The following FOXR1 variants were observed in gnomAD, a reference collection of about 807,000 sequenced individuals.
FOXR1 encodes forkhead box R1.
Under a neutral mutation model 34.5 loss-of-function variants are expected in FOXR1, and 25 were observed. That is an observed-to-expected ratio of 0.72 (90% confidence interval 0.53 to 1.01). The LOEUF is 1.01. Among genes scored for constraint, FOXR1 ranks in the 50% least tolerant of loss-of-function variants. The pLI, the probability that FOXR1 is intolerant of heterozygous loss-of-function variation, is 0.00. For synonymous variants in FOXR1, 153 were observed against 141.6 expected (o/e 1.08, Z -0.57); for missense variants, 373 against 376.2 (o/e 0.99, Z 0.07).
In FOXR1 at chr11:118,980,685, T is replaced by C. The variant is rs1467023414; in HGVS notation, c.807T>C (p.Ala269=). 1 of 1,613,964 alleles carries C rather than the reference T, an allele frequency of 6.2e-7. No homozygotes were observed. The change falls in exon 5 of 6, where the codon GCT becomes GCC. Residue 269 remains alanine, a synonymous_variant. Coordinates refer to ENST00000317011, the MANE Select transcript of FOXR1 (RefSeq NM_181721.3). ...RRFAEEARAL[A]STRLESIQQC... ...TTGCGGAGGAGGCCCGCGCCTTGGC[T>C]TCCACTCGGCTAGAAAGTATCCAAC...
At chr11:118,975,649 CTGA>C (rs1941771302) in intron 1 of FOXR1, among the ~76,000 whole-genome samples, 1 of 152,018 alleles carries the variant, frequency 6.6e-6, no homozygotes, top group East Asian at 1.9e-4. Context: ...TGTTTGCATG[CTGA>C]TGAGAATGAC....
At position 118,978,763 on chromosome 11, in the gene FOXR1, C is replaced by G; in HGVS notation, c.62-19C>G. ...ATATTCTAGGATGTTTTGACTCTCT[C>G]TGTCTTTCTTTTTGCCAGTTGCCAG... On this transcript the variant is annotated intron_variant, in intron 1 of 5. Transcript: ENST00000317011. The G allele has an allele frequency of 6.2e-7, 1 of 1,613,778 alleles. No individual in the cohort carries two copies. The highest frequency in any genetic ancestry group is 1.3e-5 in the African/African-American group (1 of 75,042).
rs1170902678 is a variant in FOXR1 at position 118,971,806 on chromosome 11, TCCCACTCCGCGTC to T, written c.-114_-102del. 2.2e-4 allele frequency: 227 copies of T among 1,021,520 alleles called. No homozygotes were observed. The highest frequency in any genetic ancestry group is 3.1e-4 in the Non-Finnish European group (212 of 676,860). The allele number at this position is 1,021,520 out of a possible 1,614,324, so 63.3% of individuals were successfully genotyped here. A position where few individuals can be genotyped will look rare whatever the true frequency, so the allele number is the denominator to read the frequency against. On this transcript the variant is annotated 5_prime_UTR_variant, in exon 1 of 6. Coordinates refer to ENST00000317011, the MANE Select transcript of FOXR1 (RefSeq NM_181721.3). ...GAGGGTCGCTCCTCAGCCGCCGCGC[TCCCACTCCGCGTC>T]CCCACTCCGCGCCGCCGCGCCTCTG... is the stretch of plus-strand genomic sequence containing the variant.
intron 1 of FOXR1, among the ~76,000 whole-genome samples, chr11:118,978,015 G>A (rs10892318): frequency 0.45 from 68,141 of 151,860 alleles, 15,860 homozygotes; most frequent in Admixed American, 0.57. Flanking sequence ...TCAGGAGTTC[G>A]ACACCAGCCT....
intron 1 of FOXR1, among the ~76,000 whole-genome samples, chr11:118,975,552 A>G (rs752228593): frequency 6.6e-6 from 1 of 151,408 alleles, no homozygotes; most frequent in Non-Finnish European, 1.5e-5. Context: ...GGCTCAAGTG[A>G]TCCTCCTGCC....
In FOXR1 at chr11:118,979,619, A is replaced by C. The variant is rs781896141; in HGVS notation, c.562A>C (p.Asn188His). 4.2e-5 allele frequency: 68 copies of C among 1,612,150 alleles called. No homozygotes were observed. The East Asian group carries it at 1.5e-3, about 36-fold the overall frequency. The change falls in exon 4 of 6, where the codon AAC becomes CAC. Residue 188 changes from asparagine (N) to histidine (H), a missense_variant. By Grantham distance (68) the Asn-to-His change is moderately conservative (BLOSUM62 1). Coordinates refer to ENST00000317011, the MANE Select transcript of FOXR1 (RefSeq NM_181721.3). ...CCACCTAATTGCCCTGGCATTAAGA[A>C]ACAGTTCCCCCTGTGGCCTCAACGT... ...YFHLIALALRNSSPCGLNVQQ... is the reference protein window; with the variant it reads ...YFHLIALALRHSSPCGLNVQQ...
chr11:118,972,355 C>T (rs917334518), intron 1 of FOXR1, among the ~76,000 whole-genome samples: 1 of 151,958 alleles, frequency 6.6e-6, no homozygotes, highest in Admixed American at 6.6e-5. Flanking sequence ...GCGCTGGTCG[C>T]CATTTGCTAT....
At position 118,980,254 on chromosome 11, in the gene FOXR1, GTT is replaced by G. The variant is rs989409281; in HGVS notation, c.612-235_612-234del. On this transcript the variant is annotated intron_variant, in intron 4 of 5. Transcript: ENST00000317011. The stretch of plus-strand genomic sequence containing the variant: ...GAGCTGCTTGGCCTGATTCTGCTTT[GTT>G]CATGCTGTGGTCCAAGCCCTGGGCC... 7.4e-6 allele frequency: 5 copies of G among 678,676 alleles called. No homozygotes were observed. The African/African-American group carries it at 8.8e-5, about 12-fold the overall frequency. 42.0% of individuals were successfully genotyped at this position (678,676 alleles called of 1,614,324 possible). A position where few individuals can be genotyped will look rare whatever the true frequency, so the allele number is the denominator to read the frequency against.
intron 1 of FOXR1, 80 bp downstream of exon 1, chr11:118,972,072 G>T: frequency 8.4e-7 from 1 of 1,197,454 alleles, no homozygotes; most frequent in South Asian, 1.4e-5. Flanking sequence ...CGGGGCAGAC[G>T]GCTCCCCAGC....
intron 2 of FOXR1, 22 bp downstream of exon 2, chr11:118,978,878 C>A (rs782731966): frequency 6.2e-7 from 1 of 1,614,216 alleles, no homozygotes; most frequent in Non-Finnish European, 8.5e-7. Context: ...GTTCTCTGAC[C>A]TGTTTCTGTG....
chr11:118,981,188 ACT>A lies in FOXR1; in HGVS notation c.851-14_851-13del. 2.5e-6 allele frequency: 4 copies of A among 1,613,718 alleles called. No homozygotes were observed. The highest frequency in any genetic ancestry group is 2.5e-6 in the Non-Finnish European group (3 of 1,179,724). On this transcript the variant is annotated intron_variant, in intron 5 of 5. Transcript: ENST00000317011. Reference sequence around the variant, plus strand: ...GCAATTGTGAAGTATAAACTCCTGAACTCTCTCCTTTTCTTACAGATGTGATG... The same window carrying A: ...GCAATTGTGAAGTATAAACTCCTGAACTCTCCTTTTCTTACAGATGTGATG...
Position 118,971,953 on chromosome 11 carries a change from G to T in FOXR1, c.22G>T (p.Ala8Ser). The change falls in exon 1 of 6, where the codon GCC (alanine) becomes TCC (serine). Residue 8 changes from alanine to serine, a missense_variant. By Grantham distance (99) the Ala-to-Ser change is moderately conservative. Transcript: ENST00000317011. Reference sequence around the variant, plus strand: ...GGACATGGGGAACGAGCTCTTTCTGGCCTTCACCACATCTCACCTCCCCTT... The same window carrying T: ...GGACATGGGGAACGAGCTCTTTCTGTCCTTCACCACATCTCACCTCCCCTT... Reference protein sequence around the residue: MGNELFLAFTTSHLPLAE... With the variant: MGNELFLSFTTSHLPLAE... 6.4e-7 allele frequency: 1 copy of T among 1,554,696 alleles called. No homozygotes were observed. Among genetic ancestry groups the T allele is most frequent in the Non-Finnish European group, 8.7e-7 (1 of 1,148,480 alleles).
Position 118,979,430 on chromosome 11 carries a change from G to A in FOXR1, c.385-12G>A, listed in dbSNP as rs1941823343. 6.3e-7 allele frequency: 1 copy of A among 1,594,406 alleles called. No homozygotes were observed. The highest frequency in any genetic ancestry group is 1.3e-5 in the African/African-American group (1 of 74,152). ...AGGAGTCAGGACCAGTTCCTACTCT[G>A]TGCTCCTCTAGCTCACAGAAGAGGA... is the stretch of plus-strand genomic sequence containing the variant. On this transcript the variant is annotated splice_polypyrimidine_tract_variant and intron_variant, in intron 3 of 5. Transcript: ENST00000317011.
chr11:118,980,618 G>C lies in FOXR1; in HGVS notation c.740G>C (p.Arg247Pro), dbSNP rs150635174. 4.3e-6 allele frequency: 7 copies of C among 1,614,232 alleles called. No homozygotes were observed. The highest frequency in any genetic ancestry group is 1.7e-5 in the Admixed American group (1 of 60,024). Residue 247 changes from arginine (R) to proline (P), a missense_variant, in exon 5 of 6, where the codon CGA becomes CCA. Arg to Pro is a moderately radical substitution (Grantham distance 103). Transcript: ENST00000317011. Reference sequence around the variant, plus strand: ...CAGGGCGGGGCCAGCACACGGCCTCGATCTTGCCTCTGGAAGTTGACCGAG... The same window carrying C: ...CAGGGCGGGGCCAGCACACGGCCTCCATCTTGCCTCTGGAAGTTGACCGAG... ...SMQGGASTRP[R>P]SCLWKLTEEG...
chr11:118,975,203 G>A (rs1487294336), intron 1 of FOXR1, among the ~76,000 whole-genome samples: 1 of 152,122 alleles, frequency 6.6e-6, no homozygotes, highest in Admixed American at 6.6e-5. Flanking sequence ...TGGAAACCAA[G>A]TGGAAAAAGC....
chr11:118,971,895 C>T lies in FOXR1; in HGVS notation c.-37C>T. On this transcript the variant is annotated 5_prime_UTR_variant, in exon 1 of 6. Coordinates refer to ENST00000317011, the MANE Select transcript of FOXR1 (RefSeq NM_181721.3). ...TCCAACACCTCGACTTCTGGGCCCG[C>T]CTCCATGGCCAGGTCCCGGGACTGC... 1 of 1,551,590 alleles carries T rather than the reference C, an allele frequency of 6.4e-7. No homozygotes were observed. The highest frequency in any genetic ancestry group is 8.7e-7 in the Non-Finnish European group (1 of 1,146,412).
In FOXR1 at chr11:118,979,630, CT is replaced by C. The variant is rs782450512; in HGVS notation, c.574del (p.Cys192ValfsTer62). On this transcript the variant is annotated frameshift_variant, in exon 4 of 6. Coordinates refer to ENST00000317011, the MANE Select transcript of FOXR1 (RefSeq NM_181721.3). LOFTEE classifies it high-confidence loss of function. ...IALALRNSSP[C>X]GLNVQQIYSF... ...CCCTGGCATTAAGAAACAGTTCCCC[CT>C]GTGGCCTCAACGTGCAACAGATCTA... The C allele has an allele frequency of 3.7e-6, 6 of 1,610,826 alleles. No individual in the cohort carries two copies. The Admixed American group carries it at 5.0e-5, about 14-fold the overall frequency.
intron 1 of FOXR1, 129 bp downstream of exon 1, chr11:118,972,121 C>T: frequency 1.9e-6 from 1 of 523,414 alleles, no homozygotes; most frequent in Non-Finnish European, 2.8e-6. Flanking sequence ...GGGGGCCGAG[C>T]GCCCCGCGCC....
intron 1 of FOXR1, among the ~76,000 whole-genome samples, chr11:118,975,752 A>G (rs1265581407): frequency 6.6e-6 from 1 of 152,216 alleles, no homozygotes; most frequent in Non-Finnish European, 1.5e-5. Flanking sequence ...ATCTGTGCCA[A>G]AGAGAGACAC....
Sources: allele counts gnomAD v4.1 joint callset (sites outside exome capture counted in the v4.1 genomes callset), GRCh38; gene constraint gnomAD v4.1.1; transcripts MANE v1.5; gene names NCBI Gene and HGNC (gene_info 2026-07-23, HGNC 2026-07-21).